BCKDHB: variants seen among roughly 807,000 people sequenced by gnomAD.
The protein encoded by BCKDHB is 2-oxoisovalerate dehydrogenase subunit beta, mitochondrial.
In BCKDHB, 41 loss-of-function variants were observed where a neutral mutation model predicts 48.5. The ratio of observed to expected loss-of-function variants is 0.85; its 90% CI spans 0.66 to 1.10. BCKDHB has a LOEUF of 1.10. Ranked by LOEUF, BCKDHB falls within the 50% of genes least tolerant of loss-of-function variation. The pLI, the probability that BCKDHB is intolerant of heterozygous loss-of-function variation, is 0.00. For synonymous variants in BCKDHB, 201 were observed against 174.8 expected (o/e 1.15, Z -1.18); for missense variants, 496 against 494.2 (o/e 1.00, Z -0.03).
chr6:80,246,479 A>G (rs1269520607), intron 8 of BCKDHB, among the ~76,000 whole-genome samples: 2 of 152,168 alleles, frequency 1.3e-5, no homozygotes, highest in East Asian at 3.8e-4. Context: ...GCAGTTCTTC[A>G]TGCTTACTAG....
At chr6:80,113,985 C>A (rs1015681489) in intron 1 of BCKDHB, among the ~76,000 whole-genome samples, 5 of 152,192 alleles carry the variant, frequency 3.3e-5, no homozygotes, top group Admixed American at 6.5e-5. Flanking sequence ...CATGACTAGC[C>A]TGATTGGTTG....
At chr6:80,313,209 G>A (rs960640151) in intron 9 of BCKDHB, among the ~76,000 whole-genome samples, 6 of 152,212 alleles carry the variant, frequency 3.9e-5, no homozygotes, top group East Asian at 1.9e-4. Flanking sequence ...TCTAGTTAAC[G>A]TGCATAGAAG....
chr6:80,448,055 G>A, the BCKDHB span, among the ~76,000 whole-genome samples: 1 of 152,152 alleles, frequency 6.6e-6, no homozygotes, highest in Non-Finnish European at 1.5e-5. Flanking sequence ...TATGCAGAGA[G>A]TTAAACGGAG....
At chr6:80,151,674 CA>C (rs1205571776) in intron 3 of BCKDHB, among the ~76,000 whole-genome samples, 1 of 152,144 alleles carries the variant, frequency 6.6e-6, no homozygotes, top group Admixed American at 6.6e-5. Context: ...CATTTAATGT[CA>C]ACCTTCTCTT....
In BCKDHB at chr6:80,186,793, C is replaced by T. The variant is rs543875375; in HGVS notation, c.743-14141C>T. On this transcript the variant is annotated intron_variant, in intron 6 of 9. Coordinates refer to ENST00000320393, the MANE Select transcript of BCKDHB (RefSeq NM_183050.4). ...CTGGGAGTGCCTACAGGGCGCTTCC[C>T]GCTCCTTCTTCTACTTTGATATTTC... 3.9e-5 allele frequency among the ~76,000 whole-genome samples: 6 copies of T among 152,302 alleles called. No individual in the cohort carries two copies. In the East Asian group the frequency reaches 5.8e-4, roughly 15 times the overall value.
chr6:80,440,286 T>A, the BCKDHB span, among the ~76,000 whole-genome samples: 1 of 152,158 alleles, frequency 6.6e-6, no homozygotes, highest in East Asian at 1.9e-4. Context: ...GGTAATACAA[T>A]GACTAAGTAC....
Position 80,293,421 on chromosome 6 carries a change from C to A in BCKDHB, c.1038+20200C>A, listed in dbSNP as rs148322337. On this transcript the variant is annotated intron_variant, in intron 9 of 9. Transcript: ENST00000320393. ...CCACAGCCCAAGCTGTGCCTTGGCC[C>A]CTTTTAGCCACAGCTGGAGTGGCTA... Among the ~76,000 whole-genome samples, 120 of 152,302 alleles carry A rather than the reference C, an allele frequency of 7.9e-4. 3 individuals are homozygous for A. The East Asian group carries it at 0.017, about 22-fold the overall frequency.
chr6:80,289,907 T>G (rs527335520), intron 9 of BCKDHB, among the ~76,000 whole-genome samples: 2 of 152,162 alleles, frequency 1.3e-5, no homozygotes, highest in African/African-American at 4.8e-5. Context: ...ACCTTCAAGC[T>G]AGGAGAGAGT....
intron 9 of BCKDHB, among the ~76,000 whole-genome samples, chr6:80,310,755 C>A (rs985526839): frequency 6.6e-6 from 1 of 152,172 alleles, no homozygotes; most frequent in Non-Finnish European, 1.5e-5. Flanking sequence ...ACCTCACCAG[C>A]ATCTGTTGTT....
Position 80,119,590 on chromosome 6 carries a change from T to C in BCKDHB, c.197-7957T>C, listed in dbSNP as rs117273131. 2.5e-3 allele frequency among the ~76,000 whole-genome samples: 378 copies of C among 152,262 alleles called. 6 individuals carry two copies. The East Asian group carries it at 0.036, about 15-fold the overall frequency. On this transcript the variant is annotated intron_variant, in intron 1 of 9. Transcript: ENST00000320393. ...CACCCCCCTTGGCCTCACAAAGTGC[T>C]GGGATTTCAAGTGTGAGCCATCACG...
chr6:80,292,470 A>T (rs1766975829), intron 9 of BCKDHB, among the ~76,000 whole-genome samples: 1 of 152,116 alleles, frequency 6.6e-6, no homozygotes, highest in Non-Finnish European at 1.5e-5. Flanking sequence ...CTGTCACGTG[A>T]ACAGCCTGGG....
chr6:80,365,172 G>C, the BCKDHB span, among the ~76,000 whole-genome samples: 2 of 152,142 alleles, frequency 1.3e-5, no homozygotes, highest in East Asian at 3.9e-4. Flanking sequence ...GTCCAACAAA[G>C]ATCACAAGGC....
chr6:80,257,620 G>A (rs684251), intron 8 of BCKDHB, among the ~76,000 whole-genome samples: 47,781 of 151,746 alleles, frequency 0.31, 7,971 homozygotes, highest in Non-Finnish European at 0.38. Context: ...GAAGTCCTGC[G>A]ACAGGCTGTC....
intron 9 of BCKDHB, among the ~76,000 whole-genome samples, chr6:80,274,761 T>A (rs566913284): frequency 1.4e-4 from 22 of 152,178 alleles, no homozygotes; most frequent in Admixed American, 3.9e-4. Flanking sequence ...TCTCTGTAAG[T>A]TATTGGTAGA....
the BCKDHB span, among the ~76,000 whole-genome samples, chr6:80,436,180 G>C: frequency 9.4e-6 from 1 of 106,042 alleles, no homozygotes; most frequent in Non-Finnish European, 1.8e-5. Context: ...TTTTGGCGGA[G>C]TCTCGCTCTG....
intron 8 of BCKDHB, among the ~76,000 whole-genome samples, chr6:80,243,817 T>C (rs972232806): frequency 1.3e-5 from 2 of 152,232 alleles, no homozygotes; most frequent in African/African-American, 4.8e-5. Flanking sequence ...ATTATAGATA[T>C]GAGCCACTGT....
intron 9 of BCKDHB, among the ~76,000 whole-genome samples, chr6:80,301,338 G>A (rs573045213): frequency 2.1e-4 from 32 of 152,110 alleles, no homozygotes; most frequent in Non-Finnish European, 3.8e-4. Flanking sequence ...AGTACAATTC[G>A]AGTTTATAAA....
chr6:80,422,119 G>C, the BCKDHB span, among the ~76,000 whole-genome samples: 2 of 152,146 alleles, frequency 1.3e-5, no homozygotes, highest in African/African-American at 2.4e-5. Context: ...GGACCCCACT[G>C]CTCTGTTCAG....
At chr6:80,220,307 T>TG (rs1775364478) in intron 8 of BCKDHB, among the ~76,000 whole-genome samples, 1 of 147,892 alleles carries the variant, frequency 6.8e-6, no homozygotes, top group Non-Finnish European at 1.5e-5. Context: ...GCTATTTGTT[T>TG]TTTTTTTTTT....
Sources: allele counts gnomAD v4.1 joint callset (sites outside exome capture counted in the v4.1 genomes callset), GRCh38; gene constraint gnomAD v4.1.1; transcripts MANE v1.5; gene names NCBI Gene and HGNC (gene_info 2026-07-23, HGNC 2026-07-21).